SHROOM3: variants seen among roughly 807,000 people sequenced by gnomAD.
SHROOM3 encodes the protein shroom family member 3, also known as protein Shroom3.
A neutral mutation model predicts 138.6 loss-of-function variants in SHROOM3; 47 were observed. The observed-to-expected ratio is 0.34, with a 90% CI of 0.27 to 0.43. The LOEUF (loss-of-function observed/expected upper bound fraction) is 0.43. Among genes scored for constraint, SHROOM3 ranks in the 20% least tolerant of loss-of-function variants. The pLI, the probability that SHROOM3 is intolerant of heterozygous loss-of-function variation, is 1.00. For synonymous variants in SHROOM3, 1,062 were observed against 1,063.3 expected (o/e 1.00, Z 0.02); for missense variants, 2,491 against 2,596.5 (o/e 0.96, Z 0.88).
intron 10 of SHROOM3, among the ~76,000 whole-genome samples, chr4:76,776,553 C>T (rs946123623): frequency 6.6e-6 from 1 of 152,116 alleles, no homozygotes. Flanking sequence ...TTCTTTCCAT[C>T]TAGCTATTTT....
intron 2 of SHROOM3, among the ~76,000 whole-genome samples, chr4:76,703,197 A>C (rs980300210): frequency 1.3e-5 from 2 of 152,192 alleles, no homozygotes; most frequent in African/African-American, 4.8e-5. Context: ...AGGTAAGCAG[A>C]AAGACAGGAG....
At chr4:76,737,299 T>C (rs947917607) in intron 4 of SHROOM3, among the ~76,000 whole-genome samples, 3 of 151,924 alleles carry the variant, frequency 2.0e-5, no homozygotes, top group Non-Finnish European at 2.9e-5. Context: ...AACATTCCAT[T>C]GTGTAGATAT....
At chr4:76,610,727 C>A (rs746578774) in intron 2 of SHROOM3, among the ~76,000 whole-genome samples, 2 of 152,264 alleles carry the variant, frequency 1.3e-5, no homozygotes, top group African/African-American at 4.8e-5. Flanking sequence ...CTGTTGGCAT[C>A]CGTGTAGAGG....
chr4:76,703,458 A>G (rs1002078216), intron 2 of SHROOM3, among the ~76,000 whole-genome samples: 1 of 152,220 alleles, frequency 6.6e-6, no homozygotes, highest in Non-Finnish European at 1.5e-5. Context: ...CGGCTGATCA[A>G]TGGTCAGTTA....
intron 2 of SHROOM3, among the ~76,000 whole-genome samples, chr4:76,563,652 T>C (rs1733642433): frequency 6.6e-6 from 1 of 152,116 alleles, no homozygotes; most frequent in South Asian, 2.1e-4. Flanking sequence ...TCTGGGAAAG[T>C]TATGACATCA....
chr4:76,640,103 A>G (rs1163499460), intron 2 of SHROOM3, among the ~76,000 whole-genome samples: 1 of 152,136 alleles, frequency 6.6e-6, no homozygotes, highest in Non-Finnish European at 1.5e-5. Flanking sequence ...ACAAGCAGAT[A>G]AAGGGGGAGT....
intron 10 of SHROOM3, among the ~76,000 whole-genome samples, chr4:76,772,508 A>G (rs1386014376): frequency 6.6e-6 from 1 of 152,240 alleles, no homozygotes; most frequent in Non-Finnish European, 1.5e-5. Context: ...AGATTTTAAA[A>G]GGATTAGAAA....
At chr4:76,710,912 G>A (rs1034014889) in intron 3 of SHROOM3, among the ~76,000 whole-genome samples, 1 of 151,986 alleles carries the variant, frequency 6.6e-6, no homozygotes, top group Non-Finnish European at 1.5e-5. Context: ...AGGAGGCAGT[G>A]GATTCAAATT....
At chr4:76,500,741 C>A (rs1248466677) in intron 1 of SHROOM3, among the ~76,000 whole-genome samples, 1 of 152,056 alleles carries the variant, frequency 6.6e-6, no homozygotes. Flanking sequence ...GTTCATTGGC[C>A]ATTTGAATAT....
chr4:76,583,053 G>T (rs756566113), intron 2 of SHROOM3, among the ~76,000 whole-genome samples: 9 of 152,206 alleles, frequency 5.9e-5, no homozygotes, highest in Non-Finnish European at 1.2e-4. Flanking sequence ...GTTTGTTTTT[G>T]ATCACAGCTG....
At chr4:76,689,340 T>C (rs1719429725) in intron 2 of SHROOM3, among the ~76,000 whole-genome samples, 1 of 136,062 alleles carries the variant, frequency 7.3e-6, no homozygotes. Context: ...TCCTGTGGGA[T>C]TACCTGGTGG....
chr4:76,631,595 A>G (rs1003773580), intron 2 of SHROOM3, among the ~76,000 whole-genome samples: 5 of 152,166 alleles, frequency 3.3e-5, no homozygotes, highest in Non-Finnish European at 7.3e-5. Flanking sequence ...GCAGAGAGAA[A>G]AATCCCAAGA....
Position 76,664,830 on chromosome 4 carries a change from C to A in SHROOM3, c.324-45326C>A, listed in dbSNP as rs754685072. 1.3e-5 allele frequency among the ~76,000 whole-genome samples: 2 copies of A among 152,168 alleles called. No homozygotes were observed. Among genetic ancestry groups the A allele is most frequent in the Non-Finnish European group, 2.9e-5 (2 of 68,036 alleles). ...CTAAAAACTCCATTTCCCTCTTCCA[C>A]AGCCTCTGGTTGCGCCTTGGTTTTA... On this transcript the variant is annotated intron_variant, in intron 2 of 10. Transcript: ENST00000296043. This position sits in a 1 kb window ranked among gnomAD's most constrained non-coding sequence, Gnocchi z 4.2.
intron 1 of SHROOM3, 91 bp from the exon 2 acceptor site, chr4:76,555,518 G>T: frequency 6.3e-7 from 1 of 1,584,906 alleles, no homozygotes; most frequent in Non-Finnish European, 8.6e-7. Context: ...GTTGGGCTCT[G>T]CAGGAGTCTA....
At chr4:76,448,057 T>G (rs544080463) in intron 1 of SHROOM3, among the ~76,000 whole-genome samples, 3 of 152,202 alleles carry the variant, frequency 2.0e-5, no homozygotes, top group African/African-American at 7.2e-5. Context: ...TATTTATATT[T>G]AAATAAATAA....
intron 4 of SHROOM3, among the ~76,000 whole-genome samples, chr4:76,736,735 C>CGT (rs1161560520): frequency 6.6e-6 from 1 of 152,106 alleles, no homozygotes; most frequent in Non-Finnish European, 1.5e-5. Flanking sequence ...ATGCCCTCCC[C>CGT]GTGTGTGTAT....
intron 1 of SHROOM3, among the ~76,000 whole-genome samples, chr4:76,483,864 C>T (rs1321631446): frequency 6.6e-6 from 1 of 152,030 alleles, no homozygotes; most frequent in African/African-American, 2.4e-5. Context: ...AAGCTAGAAA[C>T]CATCATTCTC....
At chr4:76,569,750 C>T (rs144797611) in intron 2 of SHROOM3, among the ~76,000 whole-genome samples, 22 of 151,048 alleles carry the variant, frequency 1.5e-4, no homozygotes, top group Middle Eastern at 3.4e-3. Flanking sequence ...TGCATCAAAA[C>T]GGCTGTGGTG....
chr4:76,643,211 CAA>C (rs34800196), intron 2 of SHROOM3, among the ~76,000 whole-genome samples: 53,787 of 124,896 alleles, frequency 0.43, 11,140 homozygotes, highest in Middle Eastern at 0.61. Flanking sequence ...GATGCTGTCT[CAA>C]AAAAAAAAAA....
Sources: gnomAD v4.1 joint callset for allele counts (sites outside exome capture counted in the v4.1 genomes callset) on GRCh38, gnomAD v4.1.1 for gene constraint, Gnocchi (gnomAD v3.1) non-coding constraint, MANE v1.5 for transcripts, NCBI Gene and HGNC (gene_info 2026-07-23, HGNC 2026-07-21) for gene names.